NIN: variants seen among roughly 807,000 people sequenced by gnomAD.
The protein encoded by NIN is glycogen synthase kinase 3 beta-interacting protein.
A neutral mutation model predicts 257.6 loss-of-function variants in NIN; 137 were observed. The ratio of observed to expected loss-of-function variants is 0.53; its 90% CI spans 0.46 to 0.61. NIN has a LOEUF of 0.61. NIN is among the 20% of genes least tolerant of loss of function. The pLI is 0.00. For missense variants in NIN, 2,439 were observed against 2,501.2 expected (o/e 0.98, Z 0.53); for synonymous variants, 918 against 919.8 (o/e 1.00, Z 0.04).
At chr14:50,761,452 G>A (rs2042271952) in intron 16 of NIN, among the ~76,000 whole-genome samples, 1 of 152,186 alleles carries the variant, frequency 6.6e-6, no homozygotes, top group Admixed American at 6.5e-5. Context: ...AGAGTTTAGA[G>A]GCCAAGGTTC....
chr14:50,767,331 T>C (rs1395573798), intron 12 of NIN, among the ~76,000 whole-genome samples: 1 of 152,254 alleles, frequency 6.6e-6, no homozygotes, highest in Non-Finnish European at 1.5e-5. Flanking sequence ...TTCACCTGTT[T>C]CTTTTCACCT....
Position 50,777,079 on chromosome 14 carries a change from G to A in NIN, c.536C>T (p.Pro179Leu). 6.2e-7 allele frequency: 1 copy of A among 1,614,126 alleles called. No homozygotes were observed. The highest frequency in any genetic ancestry group is 8.5e-7 in the Non-Finnish European group (1 of 1,179,998). The stretch of plus-strand genomic sequence containing the variant: ...CAGTTTCTCTTCTATCCAGTCTTGG[G>A]GAGGGGAAGATCCACTCTGTGAAGC... ...LNASQSGSSP[P>L]QDWIEEKLQE... Residue 179 changes from proline to leucine, a missense_variant, in exon 7 of 31, where the codon CCC becomes CTC. Coordinates refer to ENST00000530997, the MANE Select transcript of NIN (RefSeq NM_020921.4).
chr14:50,729,051 T>C (rs1304484341), intron 29 of NIN, among the ~76,000 whole-genome samples: 2 of 152,196 alleles, frequency 1.3e-5, no homozygotes, highest in African/African-American at 2.4e-5. Flanking sequence ...ATTTTTGGCA[T>C]GGGATGGGAA....
At chr14:50,771,235 G>T in intron 10 of NIN, 97 bp downstream of exon 10, 1 of 1,414,588 alleles carries the variant, frequency 7.1e-7, no homozygotes. Flanking sequence ...AGCAACATTT[G>T]CATACAGAAT....
chr14:50,744,720 C>G (rs1566795232), intron 22 of NIN, among the ~76,000 whole-genome samples: 1 of 152,182 alleles, frequency 6.6e-6, no homozygotes, highest in Admixed American at 6.5e-5. Context: ...GGGAGGATCA[C>G]TTGACCTCAG....
rs1313519521 is a variant in NIN, at chr14:50,792,795, C to T, written c.352G>A (p.Glu118Lys). ...RSLPEFQESV[E>K]EFPEVTVIEP... is the part of the protein sequence containing the mutation. ...ATCACCGTCACTTCAGGAAACTCCT[C>T]CACGGACTCTTGGAACTCGGGCAAG... The change falls in exon 5 of 31, where the codon GAG (glutamate) becomes AAG (lysine). Residue 118 changes from glutamate to lysine, a missense_variant. Glu to Lys is a moderately conservative substitution (Grantham distance 56). This residue lies in a region of NIN where 387 missense variants were observed against 427.3 expected (regional missense o/e 0.91). Transcript: ENST00000530997. 3.7e-6 allele frequency: 6 copies of T among 1,614,100 alleles called. No homozygotes were observed. The highest frequency in any genetic ancestry group is 5.1e-6 in the Non-Finnish European group (6 of 1,180,056).
Position 50,756,869 on chromosome 14 carries a change from A to G in NIN, c.4161T>C (p.Cys1387=), listed in dbSNP as rs1566810379. The change falls in exon 18 of 31, where the codon TGT becomes TGC. Residue 1387 remains cysteine (C), a synonymous_variant. Coordinates refer to ENST00000530997, the MANE Select transcript of NIN (RefSeq NM_020921.4). ...CCTCAAGGTACTGGTTTTCTTGCTT[A>G]CATTCCTCTATGACATGATGTACAC... ...VRSVHHVIEE[C]KQENQYLEGN... The G allele has an allele frequency of 1.9e-6, 3 of 1,552,490 alleles. No individual in the cohort carries two copies. Among genetic ancestry groups the G allele is most frequent in the Non-Finnish European group, 1.7e-6 (2 of 1,147,258 alleles).
intron 27 of NIN, among the ~76,000 whole-genome samples, chr14:50,736,040 C>T (rs2040958062): frequency 6.6e-6 from 1 of 152,078 alleles, no homozygotes; most frequent in African/African-American, 2.4e-5. Flanking sequence ...GGATCTGCAG[C>T]AGGAAAAATA....
Position 50,729,611 on chromosome 14 carries a change from A to C in NIN, c.5990T>G (p.Leu1997Arg). Reference protein sequence around the residue: ...PMVPREQFLQLQRQLLQAERI... With the variant: ...PMVPREQFLQRQRQLLQAERI... Reference sequence around the variant, plus strand: ...TTCTGCCTGCAGCAGCTGGCGTTGAAGCTGCAGAAACTGCTCCCTGGGCAC... The same window carrying C: ...TTCTGCCTGCAGCAGCTGGCGTTGACGCTGCAGAAACTGCTCCCTGGGCAC... Residue 1997 changes from leucine (L) to arginine (R), a missense_variant, in exon 29 of 31, where the codon CTT becomes CGT. Transcript: ENST00000530997. 6.2e-7 allele frequency: 1 copy of C among 1,614,068 alleles called. No homozygotes were observed. The highest frequency in any genetic ancestry group is 8.5e-7 in the Non-Finnish European group (1 of 1,179,988).
chr14:50,784,366 G>A (rs906454414), intron 5 of NIN, among the ~76,000 whole-genome samples: 5 of 152,192 alleles, frequency 3.3e-5, no homozygotes, highest in Non-Finnish European at 5.9e-5. Context: ...CTACTTACTC[G>A]TGGTGTGACC....
At chr14:50,736,591 G>A (rs1048443372) in intron 27 of NIN, among the ~76,000 whole-genome samples, 4 of 152,188 alleles carry the variant, frequency 2.6e-5, no homozygotes, top group Non-Finnish European at 4.4e-5. Context: ...TTGTGAAACA[G>A]AAGTGTAGTC....
chr14:50,815,447 G>C (rs1192105413), intron 3 of NIN, among the ~76,000 whole-genome samples: 1 of 152,186 alleles, frequency 6.6e-6, no homozygotes, highest in East Asian at 1.9e-4. Context: ...TGGTGGGAGT[G>C]TAAACTAGTT....
chr14:50,799,189 C>T (rs554698340), intron 4 of NIN, among the ~76,000 whole-genome samples: 69 of 152,314 alleles, frequency 4.5e-4, no homozygotes, highest in Non-Finnish European at 7.6e-4. Flanking sequence ...GACCTGGACA[C>T]AGAGTTCATA....
intron 2 of NIN, among the ~76,000 whole-genome samples, chr14:50,826,989 G>A (rs146087487): frequency 2.0e-5 from 3 of 152,314 alleles, no homozygotes; most frequent in Non-Finnish European, 2.9e-5. Flanking sequence ...TACAGCTGAC[G>A]TGATGAACAC....
At chr14:50,766,587 T>G (rs1303410553) in intron 13 of NIN, among the ~76,000 whole-genome samples, 191 bp from the exon 14 acceptor site, 1 of 152,168 alleles carries the variant, frequency 6.6e-6, no homozygotes, top group Non-Finnish European at 1.5e-5. Flanking sequence ...AACACAGGGA[T>G]CATTTCTCAG....
Position 50,752,515 on chromosome 14 carries a change from T to C in NIN, c.4950+3A>G. The C allele has an allele frequency of 6.2e-7, 1 of 1,611,740 alleles. No homozygotes were observed. The highest frequency in any genetic ancestry group is 8.5e-7 in the Non-Finnish European group (1 of 1,178,102). On this transcript the variant is annotated splice_donor_region_variant and intron_variant, in intron 21 of 30. Coordinates refer to ENST00000530997, the MANE Select transcript of NIN (RefSeq NM_020921.4). ...AAAGCTGTCAGGTGGCTACAGGCCA[T>C]ACCTGCACTTTACAACGTTCCAGTT...
intron 12 of NIN, among the ~76,000 whole-genome samples, chr14:50,770,046 G>A (rs574843031): frequency 3.3e-5 from 5 of 152,168 alleles, no homozygotes; most frequent in Admixed American, 6.5e-5. Flanking sequence ...GCGGGCAGGC[G>A]AGAAGATGGG....
chr14:50,828,115 AAAG>A (rs1387860162), intron 2 of NIN, among the ~76,000 whole-genome samples: 4 of 152,004 alleles, frequency 2.6e-5, no homozygotes, highest in Non-Finnish European at 4.4e-5. Context: ...AAAAAAAAAA[AAAG>A]GAGAAAGCTT....
intron 21 of NIN, among the ~76,000 whole-genome samples, chr14:50,749,508 C>T (rs1252249233): frequency 6.6e-6 from 1 of 152,124 alleles, no homozygotes; most frequent in Non-Finnish European, 1.5e-5. Flanking sequence ...TCTATTTCTC[C>T]TCAAACTTCT....
Sources: gnomAD v4.1 joint callset for allele counts (sites outside exome capture counted in the v4.1 genomes callset) on GRCh38, gnomAD v4.1.1 for gene constraint, gnomAD v4.1.1 regional missense constraint, MANE v1.5 for transcripts, NCBI Gene and HGNC (gene_info 2026-07-23, HGNC 2026-07-21) for gene names.